Variants in CDC37L1 observed in about 807,000 individuals in gnomAD.
CDC37L1 encodes the protein cell division cycle 37 like 1, HSP90 cochaperone, also known as hsp90 co-chaperone Cdc37-like 1.
In CDC37L1, 32 loss-of-function variants were observed where a neutral mutation model predicts 45.9. That is an observed-to-expected ratio of 0.70 (90% CI 0.53 to 0.94). The LOEUF (loss-of-function observed/expected upper bound fraction) is 0.94, where lower values mean the gene tolerates loss of function less well. CDC37L1 is among the 40% of genes least tolerant of loss of function. The pLI is 0.00. For synonymous variants in CDC37L1, 150 were observed against 133.0 expected (o/e 1.13, Z -0.88); for missense variants, 434 against 405.7 (o/e 1.07, Z -0.60).
At chr9:4,696,755 GCTTACAT>G (rs1197152402) in intron 3 of CDC37L1, among the ~76,000 whole-genome samples, 6 of 152,270 alleles carry the variant, frequency 3.9e-5, no homozygotes, top group African/African-American at 1.4e-4. Context: ...TGAGTAAATG[GCTTACAT>G]AACTAACTCT....
chr9:4,679,980 C>G (rs1005740925), intron 1 of CDC37L1, 81 bp downstream of exon 1: 2 of 1,528,210 alleles, frequency 1.3e-6, no homozygotes, highest in Non-Finnish European at 1.8e-6. Context: ...CCCAGACCCT[C>G]TTCTACGCCT....
intron 3 of CDC37L1, among the ~76,000 whole-genome samples, chr9:4,696,732 A>T (rs1841351108): frequency 6.6e-6 from 1 of 152,262 alleles, no homozygotes; most frequent in Admixed American, 6.5e-5. Context: ...GACTTTGTTT[A>T]TAACAGACAT....
intron 6 of CDC37L1, among the ~76,000 whole-genome samples, chr9:4,703,429 CTTAG>C (rs1841418017): frequency 6.6e-6 from 1 of 151,352 alleles, no homozygotes. Context: ...AATGTTCCCC[CTTAG>C]TTAGACATGT....
At chr9:4,700,379 C>A (rs1484017696) in intron 5 of CDC37L1, among the ~76,000 whole-genome samples, 3 of 152,200 alleles carry the variant, frequency 2.0e-5, no homozygotes, top group Non-Finnish European at 4.4e-5. Context: ...AACTTCTGGG[C>A]TCAAGCTGTC....
chr9:4,688,535 G>C lies in CDC37L1; in HGVS notation c.437G>C (p.Arg146Thr), dbSNP rs750184463. The C allele has an allele frequency of 6.6e-7, 1 of 1,516,692 alleles. No homozygotes were observed. The highest frequency in any genetic ancestry group is 1.4e-5 in the African/African-American group (1 of 70,814). The allele number at this position is 1,516,692 out of a possible 1,614,324, so 94.0% of individuals were successfully genotyped here. Reference protein sequence around the residue: ...FNKSFINQDKRKDTEDEDKSE... With the variant: ...FNKSFINQDKTKDTEDEDKSE... ...TAGAGTTTTATTAATCAAGATAAAA[G>C]AAAAGACACAGAAGATGAAGATAAA... Residue 146 changes from arginine (R) to threonine (T), a missense_variant, in exon 3 of 7, where the codon AGA becomes ACA. Transcript: ENST00000381854.
At position 4,704,741 on chromosome 9, in the gene CDC37L1, T is replaced by A. The variant is rs143187002; in HGVS notation, c.913-1270T>A. On this transcript the variant is annotated intron_variant, in intron 6 of 6. Transcript: ENST00000381854. ...CATTTAGCTTTTCATTTCTTTTTTT[T>A]AATAATTGACAGCAATCGTGTGAAA... Among the ~76,000 whole-genome samples, 266 of 152,352 alleles carry A rather than the reference T, an allele frequency of 1.7e-3. 2 individuals are homozygous for A. The highest frequency in any genetic ancestry group is 0.01 in the Middle Eastern group (3 of 294).
chr9:4,690,977 G>A (rs1347980888), intron 3 of CDC37L1, among the ~76,000 whole-genome samples: 1 of 152,166 alleles, frequency 6.6e-6, no homozygotes, highest in Non-Finnish European at 1.5e-5. Flanking sequence ...GTAGTCATGG[G>A]GAATGATGAG....
At chr9:4,686,741 C>T (rs1841251112) in intron 2 of CDC37L1, among the ~76,000 whole-genome samples, 1 of 152,122 alleles carries the variant, frequency 6.6e-6, no homozygotes, top group African/African-American at 2.4e-5. Flanking sequence ...TGTCTGGGAG[C>T]TTGAGACTTG....
chr9:4,686,341 C>G (rs1350570169), intron 2 of CDC37L1, among the ~76,000 whole-genome samples: 7 of 152,204 alleles, frequency 4.6e-5, no homozygotes, highest in Admixed American at 4.6e-4. Flanking sequence ...TCTTTCTCGA[C>G]TTTCTCTGTG....
At chr9:4,681,985 G>C (rs1460141670) in intron 1 of CDC37L1, among the ~76,000 whole-genome samples, 1 of 152,138 alleles carries the variant, frequency 6.6e-6, no homozygotes, top group Non-Finnish European at 1.5e-5. Context: ...ATGTTGGATA[G>C]TTTGCCCAAA....
At position 4,707,591 on chromosome 9, in the gene CDC37L1, C is replaced by G. The variant is rs1587626770; in HGVS notation, c.*1479C>G. On this transcript the variant is annotated 3_prime_UTR_variant, in exon 7 of 7. Coordinates refer to ENST00000381854, the MANE Select transcript of CDC37L1 (RefSeq NM_017913.4). ...CTTCTTCTGTAACATCACAATCTTC[C>G]TGGTTTTCAGAATAAACGTTTTTGT... is the stretch of plus-strand genomic sequence containing the variant. 2 of 152,156 alleles carry G rather than the reference C, an allele frequency of 1.3e-5. No individual in the cohort carries two copies. Among genetic ancestry groups the G allele is most frequent in the Middle Eastern group, 6.8e-3 (2 of 294 alleles). The allele number at this position is 152,156 out of a possible 1,614,324, so 9.4% of individuals were successfully genotyped here.
At chr9:4,688,381 A>G in intron 2 of CDC37L1, 132 bp from the exon 3 acceptor site, 1 of 433,172 alleles carries the variant, frequency 2.3e-6, no homozygotes, top group East Asian at 4.2e-5. Context: ...GATGAATTTA[A>G]TCATGTAATA....
At chr9:4,692,207 A>C (rs569208264) in intron 3 of CDC37L1, among the ~76,000 whole-genome samples, 5 of 152,294 alleles carry the variant, frequency 3.3e-5, no homozygotes, top group African/African-American at 1.2e-4. Context: ...ATTTTTGAAA[A>C]ACATTTAATA....
intron 6 of CDC37L1, among the ~76,000 whole-genome samples, chr9:4,702,283 C>T (rs1841406205): frequency 6.6e-6 from 1 of 152,124 alleles, no homozygotes; most frequent in South Asian, 2.1e-4. Flanking sequence ...AAGAACAAAT[C>T]TTAGCTATTG....
chr9:4,680,699 T>C (rs1313584042), intron 1 of CDC37L1, among the ~76,000 whole-genome samples: 1 of 152,328 alleles, frequency 6.6e-6, no homozygotes, highest in East Asian at 1.9e-4. Context: ...TTTCTCCGAA[T>C]CCGTGTGTGT....
chr9:4,682,624 C>T (rs1002215620), intron 1 of CDC37L1, among the ~76,000 whole-genome samples: 1 of 151,982 alleles, frequency 6.6e-6, no homozygotes, highest in Non-Finnish European at 1.5e-5. Flanking sequence ...CACTCCCGGC[C>T]ATGCCCAGCT....
intron 1 of CDC37L1, 46 bp downstream of exon 1, chr9:4,679,945 G>T (rs779804868): frequency 6.2e-7 from 1 of 1,605,644 alleles, no homozygotes; most frequent in Non-Finnish European, 8.5e-7. Flanking sequence ...TGGTGCTGTC[G>T]CCAAACCCCT....
At chr9:4,681,407 A>G (rs1434837877) in intron 1 of CDC37L1, among the ~76,000 whole-genome samples, 4 of 152,176 alleles carry the variant, frequency 2.6e-5, no homozygotes, top group African/African-American at 4.8e-5. Context: ...CTAGTCCAGT[A>G]TATTTTCCCA....
intron 5 of CDC37L1, among the ~76,000 whole-genome samples, chr9:4,699,812 A>G (rs1433771588): frequency 1.3e-5 from 2 of 152,124 alleles, no homozygotes; most frequent in Non-Finnish European, 2.9e-5. Flanking sequence ...AACTGTGCGC[A>G]TATCTTTTAC....
Sources: gnomAD v4.1 joint callset for allele counts (sites outside exome capture counted in the v4.1 genomes callset) on GRCh38, gnomAD v4.1.1 for gene constraint, MANE v1.5 for transcripts, NCBI Gene and HGNC (gene_info 2026-07-23, HGNC 2026-07-21) for gene names.